SNTG1: variants seen among roughly 807,000 people sequenced by gnomAD.
SNTG1 encodes syntrophin gamma 1.
Under a neutral mutation model 74.7 loss-of-function variants are expected in SNTG1, and 39 were observed. That is an observed-to-expected ratio of 0.52 (90% CI 0.40 to 0.68). The LOEUF is 0.68. Among genes scored for constraint, SNTG1 ranks in the 30% least tolerant of loss-of-function variants. SNTG1 has a pLI of 0.00. For synonymous variants in SNTG1, 254 were observed against 217.1 expected, an observed-to-expected ratio of 1.17 and a Z score of -1.49; for missense variants, 685 against 609.5, an observed-to-expected ratio of 1.12 and a Z score of -1.30.
At chr8:50,780,268 A>C (rs1237188231) in intron 18 of SNTG1, among the ~76,000 whole-genome samples, 1 of 152,186 alleles carries the variant, frequency 6.6e-6, no homozygotes, top group Non-Finnish European at 1.5e-5. Flanking sequence ...GAATAGTTTC[A>C]GAAGGAATGG....
At chr8:50,332,228 C>T (rs1311075150) in intron 2 of SNTG1, among the ~76,000 whole-genome samples, 1 of 152,168 alleles carries the variant, frequency 6.6e-6, no homozygotes, top group Non-Finnish European at 1.5e-5. Flanking sequence ...TTATGACATA[C>T]ATATTATTCC....
intron 18 of SNTG1, among the ~76,000 whole-genome samples, chr8:50,754,693 T>C (rs2095575959): frequency 6.6e-6 from 1 of 151,870 alleles, no homozygotes; most frequent in East Asian, 2.0e-4. Flanking sequence ...TATTTGCCTA[T>C]TTTTTAGTTG....
Position 50,119,132 on chromosome 8 carries a change from A to G in SNTG1, c.-102-53429A>G, listed in dbSNP as rs113142099. 9.9e-5 allele frequency among the ~76,000 whole-genome samples: 14 copies of G among 141,370 alleles called. 4 individuals are homozygous for G. Among genetic ancestry groups the G allele is most frequent in the African/African-American group, 3.3e-4 (13 of 39,142 alleles). 92.7% of individuals were successfully genotyped at this position (141,370 alleles called of 152,430 possible). On this transcript the variant is annotated intron_variant, in intron 1 of 18. Coordinates refer to ENST00000642720, the MANE Select transcript of SNTG1 (RefSeq NM_018967.5). Reference sequence around the variant, plus strand: ...CTCTGGAAGTAATTTTATGTTAACTATTTCTGATTTTCTTTTTTCAGTGTG... The same window carrying G: ...CTCTGGAAGTAATTTTATGTTAACTGTTTCTGATTTTCTTTTTTCAGTGTG...
chr8:50,539,652 C>A (rs764021234), intron 11 of SNTG1, among the ~76,000 whole-genome samples: 4 of 152,140 alleles, frequency 2.6e-5, no homozygotes, highest in Non-Finnish European at 5.9e-5. Flanking sequence ...CTCCCACAAG[C>A]CCATTTATTC....
At position 50,150,707 on chromosome 8, in the gene SNTG1, T is replaced by C. The variant is rs1209388934; in HGVS notation, c.-102-21854T>C. 6.6e-5 allele frequency among the ~76,000 whole-genome samples: 10 copies of C among 152,206 alleles called. No homozygotes were observed. In the East Asian group the frequency reaches 1.9e-3, roughly 29 times the overall value. ...ATGATGGATTACATTTATTGATTTG[T>C]GTATGTTGAACCAGCCTGTATGTTG... is the stretch of plus-strand genomic sequence containing the variant. On this transcript the variant is annotated intron_variant, in intron 1 of 18. Coordinates refer to ENST00000642720, the MANE Select transcript of SNTG1 (RefSeq NM_018967.5).
intron 1 of SNTG1, among the ~76,000 whole-genome samples, chr8:50,135,985 T>G (rs969481497): frequency 1.3e-5 from 2 of 152,182 alleles, no homozygotes; most frequent in Non-Finnish European, 2.9e-5. Flanking sequence ...CTCCCAGTTA[T>G]AAGTGAAAAC....
chr8:50,100,394 A>G (rs1256385468), intron 1 of SNTG1, among the ~76,000 whole-genome samples: 1 of 152,058 alleles, frequency 6.6e-6, no homozygotes, highest in African/African-American at 2.4e-5. Flanking sequence ...ATAATTTATT[A>G]TATACTTTCA....
At chr8:50,155,408 G>C (rs541839960) in intron 1 of SNTG1, among the ~76,000 whole-genome samples, 2 of 152,028 alleles carry the variant, frequency 1.3e-5, no homozygotes, top group Middle Eastern at 3.4e-3. Context: ...TCAAAAATTA[G>C]CTAAAAGTGT....
intron 8 of SNTG1, among the ~76,000 whole-genome samples, chr8:50,492,298 G>A (rs1361274897): frequency 6.6e-6 from 1 of 152,148 alleles, no homozygotes; most frequent in African/African-American, 2.4e-5. Context: ...CTAGATCCTT[G>A]AGGAATTGCC....
chr8:50,781,894 G>A (rs2095660681), intron 18 of SNTG1, among the ~76,000 whole-genome samples: 1 of 152,098 alleles, frequency 6.6e-6, no homozygotes, highest in South Asian at 2.1e-4. Flanking sequence ...TTTTAGGGTA[G>A]GCCTGGTGGT....
rs544401372 is a variant in SNTG1 at position 50,563,574 on chromosome 8, AT to A, written c.810+10403del. Among the ~76,000 whole-genome samples the A allele has an allele frequency of 1.5e-3, 228 of 152,118 alleles. 1 individual carries two copies. Among genetic ancestry groups the A allele is most frequent in the African/African-American group, 5.0e-3 (208 of 41,494 alleles). On this transcript the variant is annotated intron_variant, in intron 12 of 18. Transcript: ENST00000642720. ...TCATAATGAAATGTCTGATAGACAA[AT>A]TTTTTTTAAATAAATTTTGTTTCTA...
intron 13 of SNTG1, among the ~76,000 whole-genome samples, chr8:50,645,422 C>A (rs2131198451): frequency 6.6e-6 from 1 of 151,966 alleles, no homozygotes; most frequent in South Asian, 2.1e-4. Context: ...CTGTCTGGTC[C>A]CTCCAAAATT....
chr8:50,031,629 T>C (rs541490023), intron 1 of SNTG1, among the ~76,000 whole-genome samples: 8 of 152,240 alleles, frequency 5.3e-5, no homozygotes, highest in African/African-American at 1.7e-4. Flanking sequence ...GTATATCATA[T>C]AGATTTGTTT....
intron 1 of SNTG1, among the ~76,000 whole-genome samples, chr8:49,961,805 T>A (rs912941117): frequency 6.6e-6 from 1 of 152,196 alleles, no homozygotes; most frequent in African/African-American, 2.4e-5. Context: ...CCTGTCACCC[T>A]TTTCTAATGG....
At chr8:50,524,072 T>C (rs953791400) in intron 9 of SNTG1, among the ~76,000 whole-genome samples, 2 of 152,182 alleles carry the variant, frequency 1.3e-5, no homozygotes, top group Admixed American at 1.3e-4. Flanking sequence ...TACTTTCATT[T>C]GTTTCCTTGT....
chr8:50,090,693 T>A (rs1423512898), intron 1 of SNTG1, among the ~76,000 whole-genome samples: 1 of 152,048 alleles, frequency 6.6e-6, no homozygotes, highest in East Asian at 1.9e-4. Flanking sequence ...GAGTGTGTGA[T>A]CCAAAAATAT....
At chr8:50,611,753 T>G (rs2094851417) in intron 13 of SNTG1, among the ~76,000 whole-genome samples, 1 of 152,054 alleles carries the variant, frequency 6.6e-6, no homozygotes, top group Admixed American at 6.6e-5. Flanking sequence ...AGAGACTCCG[T>G]TTTTTAAATT....
In SNTG1 at chr8:50,394,284, G is replaced by A. The variant is rs766113279; in HGVS notation, c.27+19G>A. On this transcript the variant is annotated intron_variant, in intron 3 of 18. Coordinates refer to ENST00000642720, the MANE Select transcript of SNTG1 (RefSeq NM_018967.5). The stretch of plus-strand genomic sequence containing the variant: ...TGAGGAGGTGAGTACAGAGCTTTCT[G>A]CTTTTCAAACAGGGAAAACAGAATA... 1.9e-6 allele frequency: 3 copies of A among 1,609,406 alleles called. No homozygotes were observed. The highest frequency in any genetic ancestry group is 2.7e-5 in the African/African-American group (2 of 74,674).
chr8:49,990,611 CAT>C (rs1359329439), intron 1 of SNTG1, among the ~76,000 whole-genome samples: 8 of 151,922 alleles, frequency 5.3e-5, no homozygotes, highest in Non-Finnish European at 1.2e-4. Flanking sequence ...TAATGATAGA[CAT>C]AGAGGTTAAT....
Sources: allele counts gnomAD v4.1 joint callset (sites outside exome capture counted in the v4.1 genomes callset), GRCh38; gene constraint gnomAD v4.1.1; transcripts MANE v1.5; gene names NCBI Gene and HGNC (gene_info 2026-07-23, HGNC 2026-07-21).